The following MED13L variants were observed in gnomAD, a reference collection of about 807,000 sequenced individuals.
MED13L encodes mediator of RNA polymerase II transcription subunit 13-like.
MED13L carries 7 observed loss-of-function variants against 220.9 expected under a neutral mutation model. That is an observed-to-expected ratio of 0.03 (90% CI 0.02 to 0.06). MED13L has a LOEUF of 0.06. MED13L is among the 10% of genes least tolerant of loss of function. MED13L has a pLI of 1.00. For synonymous variants in MED13L, 1,011 were observed against 1,015.2 expected (o/e 1.00, Z 0.08); for missense variants, 1,965 against 2,760.5 (o/e 0.71, Z 6.46).
At chr12:116,065,060 T>C (rs953345235) in intron 4 of MED13L, among the ~76,000 whole-genome samples, 3 of 152,214 alleles carry the variant, frequency 2.0e-5, no homozygotes, top group South Asian at 2.1e-4. Context: ...AAATGGTATA[T>C]ATTTTTTATT....
chr12:116,169,612 T>C (rs778943351), intron 2 of MED13L, among the ~76,000 whole-genome samples: 10 of 152,048 alleles, frequency 6.6e-5, no homozygotes, highest in Non-Finnish European at 1.3e-4. Flanking sequence ...AGAAGGGAGG[T>C]GCACATTAAT....
chr12:116,093,113 G>C (rs1399586058), intron 4 of MED13L, among the ~76,000 whole-genome samples: 1 of 152,158 alleles, frequency 6.6e-6, no homozygotes. Flanking sequence ...TCCCAAGAGA[G>C]AGAACCTGCA....
intron 2 of MED13L, among the ~76,000 whole-genome samples, chr12:116,136,795 A>G (rs1379840243): frequency 1.3e-5 from 2 of 152,326 alleles, no homozygotes; most frequent in Non-Finnish European, 2.9e-5. Flanking sequence ...AGCATAATAT[A>G]ATCAAGTGTT....
Position 115,980,815 on chromosome 12 carries a change from G to C in MED13L, c.5299C>G (p.His1767Asp). The change falls in exon 23 of 31, where the codon CAC (histidine) becomes GAC (aspartate). Residue 1767 changes from histidine to aspartate, a missense_variant. Physicochemically the swap from His to Asp is moderately conservative, Grantham distance 81. Around this residue, in one of 10 missense-constraint regions of MED13L, gnomAD observed 510 missense variants for 620.4 expected, o/e 0.82. Coordinates refer to ENST00000281928, the MANE Select transcript of MED13L (RefSeq NM_015335.5). ...QCRRPLPTQI[H>D]IKSLTGFGPA... ...CCAAATCCCGTGAGGGATTTAATGTGGATCTGTGTAGGCAGTGGTCGCCTG... is the reference window on the plus strand; with the variant it reads ...CCAAATCCCGTGAGGGATTTAATGTCGATCTGTGTAGGCAGTGGTCGCCTG... The C allele has an allele frequency of 1.9e-6, 3 of 1,614,026 alleles. No homozygotes were observed. Among genetic ancestry groups the C allele is most frequent in the Non-Finnish European group, 2.5e-6 (3 of 1,179,998 alleles).
chr12:116,202,152 A>T (rs1439722264), intron 2 of MED13L, among the ~76,000 whole-genome samples: 2 of 152,254 alleles, frequency 1.3e-5, no homozygotes, highest in Non-Finnish European at 2.9e-5. Context: ...AGTGGTTTAA[A>T]GCAGGGCATG....
At chr12:116,207,512 C>T (rs987140440) in intron 2 of MED13L, among the ~76,000 whole-genome samples, 18 of 152,004 alleles carry the variant, frequency 1.2e-4, no homozygotes, top group African/African-American at 4.3e-4. Flanking sequence ...AGGCATTAAG[C>T]GACACATTGC....
At chr12:116,256,952 G>C in intron 1 of MED13L, among the ~76,000 whole-genome samples, 1 of 152,118 alleles carries the variant, frequency 6.6e-6, no homozygotes, top group East Asian at 1.9e-4. Context: ...TGGGATTACA[G>C]GCATGAGCCA....
At position 116,123,726 on chromosome 12, in the gene MED13L, G is replaced by A. The variant is rs142791510; in HGVS notation, c.311-12214C>T. ...TAACTGTTTGAAATGCAGCTGTCTC[G>A]TTGGCATTCTCTCCCCACCCCCAGC... On this transcript the variant is annotated intron_variant, in intron 2 of 30. Transcript: ENST00000281928. 1.8e-4 allele frequency among the ~76,000 whole-genome samples: 28 copies of A among 152,126 alleles called. 1 individual carries two copies. The highest frequency in any genetic ancestry group is 5.9e-5 in the Non-Finnish European group (4 of 67,990).
chr12:116,257,594 G>A (rs1025486083), intron 1 of MED13L, among the ~76,000 whole-genome samples: 1 of 152,166 alleles, frequency 6.6e-6, no homozygotes, highest in African/African-American at 2.4e-5. Context: ...AACCAAATCA[G>A]TTGTAAAATG....
chr12:116,078,036 C>T (rs1332942036), intron 4 of MED13L, among the ~76,000 whole-genome samples: 2 of 149,772 alleles, frequency 1.3e-5, no homozygotes, highest in Non-Finnish European at 1.5e-5. Context: ...CCCAGCTACT[C>T]GGGAGGCTGA....
chr12:115,998,374 T>C (rs1424207055), intron 14 of MED13L, among the ~76,000 whole-genome samples: 2 of 152,216 alleles, frequency 1.3e-5, no homozygotes, highest in South Asian at 2.1e-4. Context: ...AGACCAATAA[T>C]AACCACTGAA....
chr12:116,124,634 C>A (rs1299963054), intron 2 of MED13L, among the ~76,000 whole-genome samples: 1 of 152,058 alleles, frequency 6.6e-6, no homozygotes, highest in African/African-American at 2.4e-5. Flanking sequence ...TGGTTAAAAA[C>A]AAGAATGTAG....
chr12:116,203,304 C>T (rs995947120), intron 2 of MED13L, among the ~76,000 whole-genome samples: 2 of 152,092 alleles, frequency 1.3e-5, no homozygotes, highest in Admixed American at 6.6e-5. Context: ...AAACTTGTAA[C>T]ATTCTGTACA....
chr12:116,253,957 C>T (rs1397691614), intron 1 of MED13L, among the ~76,000 whole-genome samples: 1 of 151,722 alleles, frequency 6.6e-6, no homozygotes, highest in African/African-American at 2.4e-5. Flanking sequence ...GACGGGGTTT[C>T]GCCACATTGG....
chr12:116,138,659 G>T (rs765746185), intron 2 of MED13L, among the ~76,000 whole-genome samples: 4 of 152,166 alleles, frequency 2.6e-5, no homozygotes, highest in Non-Finnish European at 5.9e-5. Flanking sequence ...GTCTGACCTT[G>T]GTCAAGTCAT....
At position 115,975,246 on chromosome 12, in the gene MED13L, T is replaced by G. The variant is rs781030440; in HGVS notation, c.5656A>C (p.Ile1886Leu). 1 of 1,614,104 alleles carries G rather than the reference T, an allele frequency of 6.2e-7. No homozygotes were observed. Among genetic ancestry groups the G allele is most frequent in the South Asian group, 1.1e-5 (1 of 91,080 alleles). The change falls in exon 25 of 31, where the codon ATT becomes CTT. Residue 1886 changes from isoleucine to leucine, a missense_variant. By Grantham distance (5) the Ile-to-Leu change is conservative. Around this residue, in one of 10 missense-constraint regions of MED13L, gnomAD observed 23 missense variants for 67.1 expected, o/e 0.34. Coordinates refer to ENST00000281928, the MANE Select transcript of MED13L (RefSeq NM_015335.5). The stretch of plus-strand genomic sequence containing the variant: ...CAGGGTAGAGATGTCATTTGGACAA[T>G]CCCTATGCACCACTCCCATAACTTC... ...LQKLWEWCIG[I>L]VQMTSLPWRV...
intron 2 of MED13L, among the ~76,000 whole-genome samples, chr12:116,112,057 G>T (rs1460734776): frequency 6.6e-6 from 1 of 152,058 alleles, no homozygotes; most frequent in African/African-American, 2.4e-5. Context: ...TTTATTTCCT[G>T]AATTTATAAT....
chr12:116,266,774 A>C (rs1186029754), intron 1 of MED13L, among the ~76,000 whole-genome samples: 1 of 152,208 alleles, frequency 6.6e-6, no homozygotes, highest in Non-Finnish European at 1.5e-5. Context: ...CCTACATGTA[A>C]AATTCTAAAC....
intron 23 of MED13L, 63 bp from the exon 24 acceptor site, chr12:115,975,801 T>A (rs1876897216): frequency 6.6e-7 from 1 of 1,509,890 alleles, no homozygotes. Flanking sequence ...TACAACAAAA[T>A]CCAGAACGAC....
Sources: allele counts gnomAD v4.1 joint callset (sites outside exome capture counted in the v4.1 genomes callset), GRCh38; gene constraint gnomAD v4.1.1; regional missense constraint gnomAD v4.1.1; transcripts MANE v1.5; gene names NCBI Gene and HGNC (gene_info 2026-07-23, HGNC 2026-07-21).